The following STAG1 variants were observed in gnomAD, a reference collection of about 807,000 sequenced individuals.
STAG1 encodes cohesin subunit SA-1.
STAG1 carries 26 observed loss-of-function variants against 170.9 expected under a neutral mutation model. The ratio of observed to expected loss-of-function variants is 0.15; its 90% CI spans 0.11 to 0.21. STAG1 has a LOEUF of 0.21. STAG1 is among the 10% of genes least tolerant of loss of function. STAG1 has a pLI of 1.00. For synonymous variants in STAG1, 514 were observed against 497.7 expected (o/e 1.03, Z -0.44); for missense variants, 964 against 1,509.5 (o/e 0.64, Z 5.99).
At chr3:136,690,178 G>T (rs1016383975) in intron 1 of STAG1, among the ~76,000 whole-genome samples, 1 of 151,518 alleles carries the variant, frequency 6.6e-6, no homozygotes, top group African/African-American at 2.4e-5. Flanking sequence ...ATGACATCCA[G>T]TAAGTCTCGT....
At chr3:136,590,223 G>A (rs1380375874) in intron 4 of STAG1, among the ~76,000 whole-genome samples, 11 of 152,030 alleles carry the variant, frequency 7.2e-5, no homozygotes, top group Non-Finnish European at 1.3e-4. Flanking sequence ...GGTGGCTCAC[G>A]CCTGTAATCT....
intron 1 of STAG1, among the ~76,000 whole-genome samples, chr3:136,728,051 C>T (rs760348347): frequency 2.0e-5 from 3 of 151,762 alleles, no homozygotes; most frequent in Non-Finnish European, 4.4e-5. Flanking sequence ...CCCAGTTACT[C>T]GGGAGGCTGA....
chr3:136,626,653 C>T (rs533421056), intron 2 of STAG1, among the ~76,000 whole-genome samples: 2 of 152,282 alleles, frequency 1.3e-5, no homozygotes, highest in South Asian at 4.2e-4. Flanking sequence ...TTATTTGTCT[C>T]TACTAAAGAA....
At chr3:136,682,056 T>C (rs913335677) in intron 1 of STAG1, among the ~76,000 whole-genome samples, 2 of 151,880 alleles carry the variant, frequency 1.3e-5, no homozygotes. Context: ...ATAAAAAACA[T>C]CCAAATTTTA....
chr3:136,688,279 C>G (rs1942604636), intron 1 of STAG1, among the ~76,000 whole-genome samples: 1 of 152,124 alleles, frequency 6.6e-6, no homozygotes, highest in Non-Finnish European at 1.5e-5. Flanking sequence ...GACAAGAGTT[C>G]TTATGTAAGT....
chr3:136,560,543 C>T (rs1936799169), intron 5 of STAG1, among the ~76,000 whole-genome samples: 1 of 151,250 alleles, frequency 6.6e-6, no homozygotes, highest in Non-Finnish European at 1.5e-5. Flanking sequence ...TCTAAGTCAA[C>T]AGTGTTTAAA....
At chr3:136,657,066 T>C (rs1318864828) in intron 1 of STAG1, among the ~76,000 whole-genome samples, 1 of 151,956 alleles carries the variant, frequency 6.6e-6, no homozygotes, top group Non-Finnish European at 1.5e-5. Context: ...TGAATATTTT[T>C]TATACACTAT....
chr3:136,506,015 G>T (rs796357014), intron 7 of STAG1, among the ~76,000 whole-genome samples: 13 of 152,308 alleles, frequency 8.5e-5, no homozygotes, highest in African/African-American at 3.1e-4. Context: ...GATTATAAGA[G>T]AGTTACTAGG....
At chr3:136,532,167 A>G (rs897770961) in intron 6 of STAG1, among the ~76,000 whole-genome samples, 6 of 152,198 alleles carry the variant, frequency 3.9e-5, no homozygotes, top group East Asian at 1.9e-4. Flanking sequence ...ATTACAACTG[A>G]TAACACAGAA....
intron 22 of STAG1, among the ~76,000 whole-genome samples, chr3:136,393,590 CT>C (rs774648941): frequency 0.025 from 3,265 of 130,118 alleles, 27 homozygotes; most frequent in Non-Finnish European, 0.039. Context: ...TACGCTTCAT[CT>C]TTTTTTTTTT....
At chr3:136,443,915 T>G (rs2088702874) in intron 14 of STAG1, among the ~76,000 whole-genome samples, 1 of 152,168 alleles carries the variant, frequency 6.6e-6, no homozygotes, top group South Asian at 2.1e-4. Context: ...CTGGACTCAT[T>G]TCATTCCTTA....
At chr3:136,671,220 G>A (rs1660600928) in intron 1 of STAG1, among the ~76,000 whole-genome samples, 1 of 152,128 alleles carries the variant, frequency 6.6e-6, no homozygotes, top group East Asian at 1.9e-4. Flanking sequence ...GGAGGTGGAG[G>A]CTGCAGTGAG....
At chr3:136,645,173 T>C (rs527684620) in intron 1 of STAG1, among the ~76,000 whole-genome samples, 23 of 152,218 alleles carry the variant, frequency 1.5e-4, no homozygotes, top group Non-Finnish European at 2.6e-4. Context: ...TTAAGCATAT[T>C]GAATGGCAAA....
At chr3:136,697,714 C>A (rs986909950) in intron 1 of STAG1, among the ~76,000 whole-genome samples, 1 of 152,196 alleles carries the variant, frequency 6.6e-6, no homozygotes, top group Admixed American at 6.6e-5. Flanking sequence ...TGGAAAACTC[C>A]GTTTACTTCA....
At chr3:136,574,449 T>C (rs1321441549) in intron 4 of STAG1, among the ~76,000 whole-genome samples, 1 of 152,046 alleles carries the variant, frequency 6.6e-6, no homozygotes, top group Non-Finnish European at 1.5e-5. Flanking sequence ...GGTGTATGTG[T>C]GTATATACAC....
intron 1 of STAG1, among the ~76,000 whole-genome samples, chr3:136,695,627 C>G (rs150906578): frequency 7.0e-6 from 1 of 142,014 alleles, no homozygotes; most frequent in East Asian, 2.0e-4. Context: ...GAGTAAAGTA[C>G]TCACTAGAAA....
At chr3:136,344,638 G>C (rs897317703) in intron 29 of STAG1, among the ~76,000 whole-genome samples, 8 of 152,044 alleles carry the variant, frequency 5.3e-5, no homozygotes, top group East Asian at 1.9e-4. Context: ...TTTCAAGACG[G>C]AGTCTCACTC....
chr3:136,726,553 A>G (rs1165245895), intron 1 of STAG1, among the ~76,000 whole-genome samples: 1 of 152,142 alleles, frequency 6.6e-6, no homozygotes, highest in Non-Finnish European at 1.5e-5. Flanking sequence ...TCTCCCAAGT[A>G]GCTGGGATCA....
chr3:136,511,455 G>A (rs761419840), intron 7 of STAG1, among the ~76,000 whole-genome samples: 3 of 152,176 alleles, frequency 2.0e-5, no homozygotes, highest in Admixed American at 1.3e-4. Context: ...ACCATGGAAG[G>A]CTTTGCAGCC....
Sources: gnomAD v4.1 joint callset for allele counts (sites outside exome capture counted in the v4.1 genomes callset) on GRCh38, gnomAD v4.1.1 for gene constraint, MANE v1.5 for transcripts, NCBI Gene and HGNC (gene_info 2026-07-23, HGNC 2026-07-21) for gene names.